The following IGSF10 variants were observed in gnomAD, a reference collection of about 807,000 sequenced individuals.
The protein encoded by IGSF10 is immunoglobulin superfamily member 10.
Under a neutral mutation model 128.2 loss-of-function variants are expected in IGSF10, and 126 were observed. That is an observed-to-expected ratio of 0.98 (90% CI 0.85 to 1.14). IGSF10 has a LOEUF of 1.14. Among genes scored for constraint, IGSF10 ranks in the 50% most tolerant of loss-of-function variants. The pLI, the probability that IGSF10 is intolerant of heterozygous loss-of-function variation, is 0.00. For synonymous variants in IGSF10, 1,185 were observed against 1,146.2 expected (o/e 1.03, Z -0.68); for missense variants, 3,295 against 3,149.8 (o/e 1.05, Z -1.10).
At chr3:151,486,874 CG>C in the IGSF10 span, among the ~76,000 whole-genome samples, 6 of 152,004 alleles carry the variant, frequency 3.9e-5, no homozygotes, top group African/African-American at 1.4e-4. Context: ...TGCCCACAAG[CG>C]AAAGCATGAA....
At chr3:151,546,663 C>T in the IGSF10 span, among the ~76,000 whole-genome samples, 1 of 152,102 alleles carries the variant, frequency 6.6e-6, no homozygotes, top group Non-Finnish European at 1.5e-5. Flanking sequence ...ATTATATACA[C>T]ATAAATTGCT....
At chr3:151,568,798 G>A in the IGSF10 span, among the ~76,000 whole-genome samples, 1 of 152,140 alleles carries the variant, frequency 6.6e-6, no homozygotes, top group Non-Finnish European at 1.5e-5. Context: ...CCATTTACTA[G>A]GTAAGACACC....
At chr3:151,606,776 A>C in the IGSF10 span, among the ~76,000 whole-genome samples, 6 of 152,116 alleles carry the variant, frequency 3.9e-5, no homozygotes, top group African/African-American at 1.4e-4. Flanking sequence ...CCAATTCCTA[A>C]TGCCTCCTGA....
chr3:151,461,097 C>G (rs896239341), upstream of IGSF10: 5 of 985,308 alleles, frequency 5.1e-6, no homozygotes, highest in Admixed American at 1.2e-4. Flanking sequence ...AGCCCGACTT[C>G]TGTGTCTGGG....
rs1721130323 is a variant in IGSF10 at position 151,445,486 on chromosome 3, T to G, written c.4495A>C (p.Thr1499Pro). ...TCGTGCAGCTTGACCACTGTATTTG[T>G]CATAAGCCCGGAAATGGGAGTCGCC... The part of the protein sequence containing the change: ...NVATPISGLM[T>P]NTVVKLHESS... Residue 1499 changes from threonine to proline, a missense_variant, in exon 6 of 8, where the codon ACA becomes CCA. Physicochemically the swap from Thr to Pro is conservative, Grantham distance 38 (BLOSUM62 -1). Transcript: ENST00000282466. 6.2e-7 allele frequency: 1 copy of G among 1,614,036 alleles called. No individual in the cohort carries two copies. The highest frequency in any genetic ancestry group is 1.1e-5 in the South Asian group (1 of 91,082).
intron 5 of IGSF10, among the ~76,000 whole-genome samples, chr3:151,450,500 T>C (rs1721459797): frequency 6.6e-6 from 1 of 152,148 alleles, no homozygotes; most frequent in South Asian, 2.1e-4. Flanking sequence ...TGACAGGTAA[T>C]GTCACAGATG....
rs371331499 is a variant in IGSF10 at position 151,443,273 on chromosome 3, A to G, written c.5674T>C (p.Ser1892Pro). The G allele has an allele frequency of 4.3e-6, 7 of 1,612,094 alleles. No homozygotes were observed. Among genetic ancestry groups the G allele is most frequent in the Non-Finnish European group, 5.9e-6 (7 of 1,178,792 alleles). The change falls in exon 7 of 8, where the codon TCC becomes CCC. Residue 1892 changes from serine to proline, a missense_variant. Transcript: ENST00000282466. ...CCATTTGAAAATAAGAACAACTTGGAATTGGTAAACTGTAATGGTTTCACT... is the reference window on the plus strand; with the variant it reads ...CCATTTGAAAATAAGAACAACTTGGGATTGGTAAACTGTAATGGTTTCACT... ...TEVKPLQFTN[S>P]KLFLFSNGTL...
At chr3:151,472,790 A>C in the IGSF10 span, among the ~76,000 whole-genome samples, 1 of 152,156 alleles carries the variant, frequency 6.6e-6, no homozygotes, top group Non-Finnish European at 1.5e-5. Context: ...AACTGAGGAC[A>C]ATCAGACCCT....
Position 151,436,471 on chromosome 3 carries a change from A to T in IGSF10, c.*218T>A, listed in dbSNP as rs1720232401. The T allele has an allele frequency of 2.4e-6, 1 of 419,106 alleles. No individual in the cohort carries two copies. The highest frequency in any genetic ancestry group is 4.7e-5 in the South Asian group (1 of 21,114). The allele number at this position is 419,106 out of a possible 1,614,324, so 26.0% of individuals were successfully genotyped here. A position where few individuals can be genotyped will look rare whatever the true frequency, so the allele number is the denominator to read the frequency against. On this transcript the variant is annotated 3_prime_UTR_variant, in exon 8 of 8. Transcript: ENST00000282466. Reference sequence around the variant, plus strand: ...TATTGTTATTTGTTGGCAAAATAAAAGTGCCTTAAGTTAAAAGTTTGTTTT... The same window carrying T: ...TATTGTTATTTGTTGGCAAAATAAATGTGCCTTAAGTTAAAAGTTTGTTTT...
At chr3:151,524,835 C>T in the IGSF10 span, among the ~76,000 whole-genome samples, 1 of 151,976 alleles carries the variant, frequency 6.6e-6, no homozygotes, top group Non-Finnish European at 1.5e-5. Flanking sequence ...TAATGGAAAG[C>T]TACTTTATCA....
Position 151,437,089 on chromosome 3 carries a change from A to G in IGSF10, c.7472T>C (p.Leu2491Ser). 6 of 1,614,194 alleles carry G rather than the reference A, an allele frequency of 3.7e-6. No homozygotes were observed. The highest frequency in any genetic ancestry group is 5.1e-6 in the Non-Finnish European group (6 of 1,180,010). ...ATAAGCTGTTGCTTCTTTAATGACT[A>G]AGGTGCCATTGTCATGCAATATGTA... ...GKYILHDNGT[L>S]VIKEATAYDR... The change falls in exon 8 of 8, where the codon TTA (leucine) becomes TCA (serine). Residue 2491 changes from leucine to serine, a missense_variant. Leu to Ser is a moderately radical substitution (Grantham distance 145, BLOSUM62 -2). Transcript: ENST00000282466.
In IGSF10 at chr3:151,436,538, T is replaced by C. The variant is rs1403039909; in HGVS notation, c.*151A>G. 4 of 596,018 alleles carry C rather than the reference T, an allele frequency of 6.7e-6. No individual in the cohort carries two copies. Among genetic ancestry groups the C allele is most frequent in the Non-Finnish European group, 1.2e-5 (4 of 347,126 alleles). 36.9% of individuals were successfully genotyped at this position (596,018 alleles called of 1,614,324 possible). ...ATCAGTATCATCAGTTCATAATGCA[T>C]TTATTTACAAGTCCTTTTATTTTGC... On this transcript the variant is annotated 3_prime_UTR_variant, in exon 8 of 8. Coordinates refer to ENST00000282466, the MANE Select transcript of IGSF10 (RefSeq NM_178822.5).
At chr3:151,598,248 T>C in the IGSF10 span, among the ~76,000 whole-genome samples, 4 of 152,222 alleles carry the variant, frequency 2.6e-5, no homozygotes, top group Non-Finnish European at 1.5e-5. Context: ...AAATATTGTA[T>C]GTACATCTGT....
chr3:151,518,737 C>A, the IGSF10 span, among the ~76,000 whole-genome samples: 1,807 of 152,014 alleles, frequency 0.012, 91 homozygotes, highest in East Asian at 0.17. Context: ...ATGTAAGTAT[C>A]AGCCAAAAGT....
At chr3:151,485,246 T>TA in the IGSF10 span, among the ~76,000 whole-genome samples, 43 of 150,972 alleles carry the variant, frequency 2.8e-4, no homozygotes, top group Admixed American at 2.0e-3. Flanking sequence ...AAGACATGAT[T>TA]AAAAAAAAAA....
chr3:151,575,520 A>T, the IGSF10 span, among the ~76,000 whole-genome samples: 1 of 152,156 alleles, frequency 6.6e-6, no homozygotes, highest in Non-Finnish European at 1.5e-5. Flanking sequence ...TGGGCATAGG[A>T]CCCACTGAGC....
Position 151,437,008 on chromosome 3 carries a change from G to A in IGSF10, c.7553C>T (p.Thr2518Ile). Residue 2518 changes from threonine to isoleucine, a missense_variant, in exon 8 of 8, where the codon ACT becomes ATT. Thr to Ile is a moderately conservative substitution (Grantham distance 89). Coordinates refer to ENST00000282466, the MANE Select transcript of IGSF10 (RefSeq NM_178822.5). ...GTAGGCTACAATCATTACTGGAACA[G>A]TAATCAGTGTATGACCAACACTATT... ...AQNSVGHTLI[T>I]VPVMIVAYPP... 6.2e-7 allele frequency: 1 copy of A among 1,614,172 alleles called. No homozygotes were observed. The highest frequency in any genetic ancestry group is 1.3e-5 in the African/African-American group (1 of 75,056).
At chr3:151,525,613 C>T in the IGSF10 span, among the ~76,000 whole-genome samples, 2 of 152,108 alleles carry the variant, frequency 1.3e-5, no homozygotes, top group African/African-American at 2.4e-5. Flanking sequence ...AGATTATTCA[C>T]GTTGTTGGTA....
the IGSF10 span, among the ~76,000 whole-genome samples, chr3:151,605,016 A>ACACAT: frequency 6.6e-6 from 1 of 152,200 alleles, no homozygotes; most frequent in Non-Finnish European, 1.5e-5. Flanking sequence ...AATTCATCTA[A>ACACAT]CACATGTATT....
Sources: gnomAD v4.1 joint callset for allele counts (sites outside exome capture counted in the v4.1 genomes callset) on GRCh38, gnomAD v4.1.1 for gene constraint, MANE v1.5 for transcripts, NCBI Gene and HGNC (gene_info 2026-07-23, HGNC 2026-07-21) for gene names.